CYTH3: variants seen among roughly 807,000 people sequenced by gnomAD.
CYTH3 encodes cytohesin-3.
A neutral mutation model predicts 55.1 loss-of-function variants in CYTH3; 23 were observed. The ratio of observed to expected loss-of-function variants is 0.42; its 90% CI spans 0.30 to 0.59. The LOEUF (loss-of-function observed/expected upper bound fraction) is 0.59. Among genes scored for constraint, CYTH3 ranks in the 20% least tolerant of loss-of-function variants. The probability of loss-of-function intolerance (pLI) is 0.20; values close to 1 mark genes in which losing one functional copy is unlikely to be tolerated. For missense variants in CYTH3, 413 were observed against 524.8 expected, an observed-to-expected ratio of 0.79 and a Z score of 2.08; for synonymous variants, 249 against 194.9, an observed-to-expected ratio of 1.28 and a Z score of -2.31.
chr7:6,222,156 T>A (rs1276844656), intron 1 of CYTH3, among the ~76,000 whole-genome samples: 1 of 152,124 alleles, frequency 6.6e-6, no homozygotes, highest in Non-Finnish European at 1.5e-5. Context: ...CCTGCCAGGG[T>A]GCCCTTCACA....
chr7:6,174,698 C>A (rs995647981), intron 5 of CYTH3, among the ~76,000 whole-genome samples: 4 of 152,034 alleles, frequency 2.6e-5, no homozygotes, highest in African/African-American at 9.7e-5. Flanking sequence ...CAGGCACCCG[C>A]CAGCACGCCT....
intron 1 of CYTH3, among the ~76,000 whole-genome samples, chr7:6,222,833 C>T (rs1269704149): frequency 6.6e-6 from 1 of 151,440 alleles, no homozygotes; most frequent in African/African-American, 2.4e-5. Context: ...AAGTGTTCCA[C>T]ATTTTCAGGT....
chr7:6,249,601 T>C (rs1480364783), intron 1 of CYTH3, among the ~76,000 whole-genome samples: 1 of 152,258 alleles, frequency 6.6e-6, no homozygotes, highest in African/African-American at 2.4e-5. Flanking sequence ...TGCTCCTGCT[T>C]ACTCTAAACC....
In CYTH3 at chr7:6,192,996, C is replaced by T. The variant is rs544187574; in HGVS notation, c.35-2465G>A. On this transcript the variant is annotated intron_variant, in intron 1 of 12. Transcript: ENST00000350796. The stretch of plus-strand genomic sequence containing the variant: ...GACCAGTCTGGCCAACATAGTGAAA[C>T]CCCGTCTCTACTAAAAATACAAAAA... Among the ~76,000 whole-genome samples, 7 of 151,778 alleles carry T rather than the reference C, an allele frequency of 4.6e-5. No homozygotes were observed. The South Asian group carries it at 1.5e-3, about 32-fold the overall frequency.
chr7:6,246,633 A>C (rs573508216), intron 1 of CYTH3, among the ~76,000 whole-genome samples: 1 of 152,086 alleles, frequency 6.6e-6, no homozygotes, highest in Non-Finnish European at 1.5e-5. Flanking sequence ...AAACAGTAAA[A>C]AATAAAGGCT....
Position 6,187,646 on chromosome 7 carries a change from C to T in CYTH3, c.182+11G>A. The T allele has an allele frequency of 6.2e-7, 1 of 1,610,154 alleles. No homozygotes were observed. The highest frequency in any genetic ancestry group is 8.5e-7 in the Non-Finnish European group (1 of 1,176,308). On this transcript the variant is annotated intron_variant, in intron 3 of 12. Transcript: ENST00000350796. ...AGTAAATAGCTTAAAGGTGTAGCCA[C>T]AAATTGTTACCTCTCCTCTACGGAA...
chr7:6,206,260 T>C (rs1260516521), intron 1 of CYTH3, among the ~76,000 whole-genome samples: 1 of 152,230 alleles, frequency 6.6e-6, no homozygotes, highest in Non-Finnish European at 1.5e-5. Flanking sequence ...TACAATGGAA[T>C]GTGATTCAGC....
chr7:6,258,502 A>C (rs995873548), intron 1 of CYTH3, among the ~76,000 whole-genome samples: 6 of 152,182 alleles, frequency 3.9e-5, no homozygotes, highest in Non-Finnish European at 5.9e-5. Context: ...TTTAAGATAT[A>C]GCCCTTTGTG....
chr7:6,258,786 A>G (rs113298053), intron 1 of CYTH3, among the ~76,000 whole-genome samples: 118 of 152,360 alleles, frequency 7.7e-4, no homozygotes, highest in African/African-American at 2.6e-3. Context: ...ATAGAAACGA[A>G]AAAATATTGT....
intron 4 of CYTH3, among the ~76,000 whole-genome samples, chr7:6,183,794 G>T (rs1301811440): frequency 2.0e-5 from 3 of 152,018 alleles, no homozygotes; most frequent in Non-Finnish European, 4.4e-5. Flanking sequence ...TCTGGAGACG[G>T]GGTCTTTTGG....
intron 1 of CYTH3, among the ~76,000 whole-genome samples, chr7:6,194,294 C>G (rs74590990): frequency 0.052 from 7,837 of 152,102 alleles, 418 homozygotes; most frequent in African/African-American, 0.14. Context: ...AAATATAAAA[C>G]CTTGGGGAAA....
At chr7:6,182,109 G>A (rs930002398) in intron 4 of CYTH3, among the ~76,000 whole-genome samples, 6 of 151,940 alleles carry the variant, frequency 3.9e-5, no homozygotes, top group Non-Finnish European at 8.8e-5. Flanking sequence ...GTGCATTAGT[G>A]CAATCTAGGC....
At chr7:6,196,209 A>G (rs568001582) in intron 1 of CYTH3, among the ~76,000 whole-genome samples, 40 of 152,312 alleles carry the variant, frequency 2.6e-4, no homozygotes, top group African/African-American at 8.9e-4. Flanking sequence ...GTGATCGGCT[A>G]AAGAGCACGA....
intron 1 of CYTH3, among the ~76,000 whole-genome samples, chr7:6,211,028 C>G (rs1380437234): frequency 6.6e-6 from 1 of 152,168 alleles, no homozygotes; most frequent in Non-Finnish European, 1.5e-5. Context: ...AAATATAAAT[C>G]AAATCATGTC....
chr7:6,168,737 A>G (rs1418221096), intron 9 of CYTH3, among the ~76,000 whole-genome samples: 1 of 152,228 alleles, frequency 6.6e-6, no homozygotes, highest in Non-Finnish European at 1.5e-5. Context: ...AACAGGTTAG[A>G]CAACACGAGC....
At chr7:6,265,805 G>A (rs1488236706) in intron 1 of CYTH3, among the ~76,000 whole-genome samples, 1 of 152,060 alleles carries the variant, frequency 6.6e-6, no homozygotes, top group African/African-American at 2.4e-5. Flanking sequence ...GAACAAGGAT[G>A]ACAATGGGAG....
At chr7:6,179,737 A>C (rs1368737717) in intron 4 of CYTH3, among the ~76,000 whole-genome samples, 11 of 40,212 alleles carry the variant, frequency 2.7e-4, no homozygotes, top group Admixed American at 3.0e-4. Context: ...ACACACACCC[A>C]CCACACACAC....
rs1195409216 is a variant in CYTH3, at chr7:6,169,023, A to G, written c.823+1512T>C. Among the ~76,000 whole-genome samples, 1 of 152,162 alleles carries G rather than the reference A, an allele frequency of 6.6e-6. No individual in the cohort carries two copies. Among genetic ancestry groups the G allele is most frequent in the Admixed American group, 6.5e-5 (1 of 15,288 alleles). ...CAATGTGATTTGAATCGGGTCTCTC[A>G]GGCACCCGAGCCAAAGACCATGGTA... On this transcript the variant is annotated intron_variant, in intron 9 of 12. Coordinates refer to ENST00000350796, the MANE Select transcript of CYTH3 (RefSeq NM_004227.4). This position sits in a 1 kb window ranked among gnomAD's most constrained non-coding sequence, Gnocchi z 4.1.
intron 4 of CYTH3, among the ~76,000 whole-genome samples, chr7:6,182,746 G>A (rs1052382083): frequency 6.6e-6 from 1 of 152,192 alleles, no homozygotes; most frequent in African/African-American, 2.4e-5. Context: ...CTGAGCTCAA[G>A]TGATCCTCCC....
Sources: gnomAD v4.1 joint callset for allele counts (sites outside exome capture counted in the v4.1 genomes callset) on GRCh38, gnomAD v4.1.1 for gene constraint, Gnocchi (gnomAD v3.1) non-coding constraint, MANE v1.5 for transcripts, NCBI Gene and HGNC (gene_info 2026-07-23, HGNC 2026-07-21) for gene names.